NCKAP1: variants seen among roughly 807,000 people sequenced by gnomAD.
NCKAP1 encodes the protein NCK associated protein 1, also known as nck-associated protein 1.
NCKAP1 carries 21 observed loss-of-function variants against 151.2 expected under a neutral mutation model. That is an observed-to-expected ratio of 0.14 (90% CI 0.10 to 0.20). The LOEUF is 0.20. Ranked by LOEUF, NCKAP1 falls within the 10% of genes least tolerant of loss-of-function variation. The pLI is 1.00. For missense variants in NCKAP1, 933 were observed against 1,352.1 expected, an observed-to-expected ratio of 0.69 and a Z score of 4.86; for synonymous variants, 484 against 451.8, an observed-to-expected ratio of 1.07 and a Z score of -0.90.
In NCKAP1 at chr2:183,031,001, T is replaced by C. The variant is rs72888482; in HGVS notation, c.108+6991A>G. On this transcript the variant is annotated intron_variant, in intron 1 of 30. Coordinates refer to ENST00000361354, the MANE Select transcript of NCKAP1 (RefSeq NM_013436.5). ...GTAAAAAGAAAAGAGAGCAATCTAC[T>C]GCTAGTAACTTGGATTAAGAGGCTT... 9.5e-3 allele frequency among the ~76,000 whole-genome samples: 1,445 copies of C among 152,326 alleles called. 9 individuals carry two copies. The highest frequency in any genetic ancestry group is 0.016 in the Non-Finnish European group (1,098 of 68,016).
chr2:182,926,119 T>C (rs553775294), intron 30 of NCKAP1, among the ~76,000 whole-genome samples: 2 of 151,926 alleles, frequency 1.3e-5, no homozygotes, highest in South Asian at 2.1e-4. Context: ...TAAAAGACAA[T>C]ACAAAAATAT....
intron 23 of NCKAP1, among the ~76,000 whole-genome samples, chr2:182,943,377 T>C (rs1406913636): frequency 6.6e-6 from 1 of 152,186 alleles, no homozygotes; most frequent in African/African-American, 2.4e-5. Flanking sequence ...ATGTTATTAC[T>C]TCAGATTGTT....
chr2:182,980,044 T>C (rs909229655), intron 13 of NCKAP1, among the ~76,000 whole-genome samples: 6 of 152,072 alleles, frequency 3.9e-5, no homozygotes, highest in Non-Finnish European at 7.4e-5. Context: ...TAAAAATAGA[T>C]TAAGTAATTC....
At chr2:182,957,275 A>T (rs1697346415) in intron 19 of NCKAP1, 182 bp downstream of exon 19, 1 of 614,954 alleles carries the variant, frequency 1.6e-6, no homozygotes, top group Admixed American at 4.0e-5. Context: ...AAAGGCCAAA[A>T]TCTGTATTTT....
At chr2:182,932,882 T>G (rs1696794573) in intron 26 of NCKAP1, among the ~76,000 whole-genome samples, 1 of 152,170 alleles carries the variant, frequency 6.6e-6, no homozygotes, top group African/African-American at 2.4e-5. Context: ...TTGTACATAG[T>G]TTTCAATCAT....
chr2:183,025,126 G>A lies in NCKAP1; in HGVS notation c.109-1210C>T, dbSNP rs1698870947. The A allele has an allele frequency of 1.5e-5, 12 of 800,320 alleles. No homozygotes were observed. In the South Asian group the frequency reaches 2.0e-4, roughly 14 times the overall value. 49.6% of individuals were successfully genotyped at this position (800,320 alleles called of 1,614,324 possible). A position where few individuals can be genotyped will look rare whatever the true frequency, so the allele number is the denominator to read the frequency against. ...AACAGAACAAGATTAGAATTATATG[G>A]TGCTACAATTTTAAAGGTATTCTAA... On this transcript the variant is annotated intron_variant, in intron 1 of 30. Transcript: ENST00000361354.
At chr2:182,977,361 G>C (rs932575632) in intron 14 of NCKAP1, among the ~76,000 whole-genome samples, 2 of 151,960 alleles carry the variant, frequency 1.3e-5, no homozygotes, top group African/African-American at 4.8e-5. Flanking sequence ...GTGGTGGTGC[G>C]TGCCTGTAGT....
chr2:182,992,479 G>A (rs1377061257), intron 8 of NCKAP1, among the ~76,000 whole-genome samples: 1 of 152,114 alleles, frequency 6.6e-6, no homozygotes, highest in African/African-American at 2.4e-5. Flanking sequence ...AAATCCAGAA[G>A]TCACTAATGA....
At chr2:183,027,521 G>A (rs1029169616) in intron 1 of NCKAP1, among the ~76,000 whole-genome samples, 2 of 152,090 alleles carry the variant, frequency 1.3e-5, no homozygotes, top group Admixed American at 1.3e-4. Context: ...TATCAGCTAG[G>A]TAAAATATAT....
At chr2:182,944,842 C>CTG (rs1408416704) in intron 23 of NCKAP1, among the ~76,000 whole-genome samples, 64 of 152,202 alleles carry the variant, frequency 4.2e-4, no homozygotes, top group Admixed American at 2.0e-3. Flanking sequence ...TGACTCACAC[C>CTG]TGTGATCCTA....
intron 13 of NCKAP1, among the ~76,000 whole-genome samples, chr2:182,979,691 T>C (rs1490184171): frequency 5.3e-5 from 8 of 152,234 alleles, no homozygotes; most frequent in Non-Finnish European, 1.5e-5. Context: ...TAAATTTATA[T>C]GCTAGCAAAT....
At chr2:183,016,718 G>A (rs1698695238) in intron 2 of NCKAP1, among the ~76,000 whole-genome samples, 1 of 152,194 alleles carries the variant, frequency 6.6e-6, no homozygotes, top group South Asian at 2.1e-4. Flanking sequence ...GCGTGGTCCA[G>A]GAAGATGCAG....
At chr2:182,950,303 C>A (rs1021852018) in intron 23 of NCKAP1, among the ~76,000 whole-genome samples, 1 of 151,746 alleles carries the variant, frequency 6.6e-6, no homozygotes, top group Non-Finnish European at 1.5e-5. Context: ...AACAAAAAAG[C>A]AAAAAATAAT....
At chr2:183,012,600 C>T (rs1698608563) in intron 2 of NCKAP1, among the ~76,000 whole-genome samples, 1 of 150,666 alleles carries the variant, frequency 6.6e-6, no homozygotes, top group Admixed American at 6.6e-5. Flanking sequence ...CATCTTTTTA[C>T]TGTCACTCAT....
chr2:183,020,983 A>G (rs1698787748), intron 2 of NCKAP1, among the ~76,000 whole-genome samples: 3 of 152,226 alleles, frequency 2.0e-5, no homozygotes. Context: ...TAGCATTACA[A>G]AGAATAGTTG....
chr2:182,982,893 C>A lies in NCKAP1; in HGVS notation c.1136G>T (p.Arg379Leu), dbSNP rs867438892. ...LFVFMALSFARDEIIWLLRHA... is the reference protein window; with the variant it reads ...LFVFMALSFALDEIIWLLRHA... The stretch of plus-strand genomic sequence containing the variant: ...ACGAAGTAGCCAGATGATTTCATCA[C>A]GGGCAAAGGATAATGCCATAAAAAC... The change falls in exon 12 of 31, where the codon CGT (arginine) becomes CTT (leucine). Residue 379 changes from arginine to leucine, a missense_variant. This residue lies in a region of NCKAP1 where 607 missense variants were observed against 795.0 expected (regional missense o/e 0.76). Coordinates refer to ENST00000361354, the MANE Select transcript of NCKAP1 (RefSeq NM_013436.5). 6.2e-7 allele frequency: 1 copy of A among 1,610,670 alleles called. No individual in the cohort carries two copies.
intron 2 of NCKAP1, among the ~76,000 whole-genome samples, chr2:183,018,585 C>G (rs1325373388): frequency 6.6e-6 from 1 of 152,182 alleles, no homozygotes; most frequent in Non-Finnish European, 1.5e-5. Flanking sequence ...AGTTGAGACT[C>G]TTGCTCTATT....
In NCKAP1 at chr2:182,922,921, G is replaced by A. The variant is rs1696575044; in HGVS notation, c.*2781C>T. On this transcript the variant is annotated 3_prime_UTR_variant, in exon 31 of 31. Transcript: ENST00000361354. Reference sequence around the variant, plus strand: ...CTCAGCTACTCAGGAGGCTGAGATGGGAGAATTGCTTGAACCCGGGAGGCG... The same window carrying A: ...CTCAGCTACTCAGGAGGCTGAGATGAGAGAATTGCTTGAACCCGGGAGGCG... 2 of 152,244 alleles carry A rather than the reference G, an allele frequency of 1.3e-5. No homozygotes were observed. The highest frequency in any genetic ancestry group is 1.3e-4 in the Admixed American group (2 of 15,278). 9.4% of individuals were successfully genotyped at this position (152,244 alleles called of 1,614,324 possible). A position where few individuals can be genotyped will look rare whatever the true frequency, so the allele number is the denominator to read the frequency against.
intron 15 of NCKAP1, among the ~76,000 whole-genome samples, chr2:182,969,481 T>C (rs1481023457): frequency 6.6e-6 from 1 of 150,758 alleles, no homozygotes; most frequent in African/African-American, 2.4e-5. Flanking sequence ...ATTAATAAAG[T>C]AGAAAGACCA....
Sources: allele counts gnomAD v4.1 joint callset (sites outside exome capture counted in the v4.1 genomes callset), GRCh38; gene constraint gnomAD v4.1.1; regional missense constraint gnomAD v4.1.1; transcripts MANE v1.5; gene names NCBI Gene and HGNC (gene_info 2026-07-23, HGNC 2026-07-21).